Variants in PRTG observed in about 807,000 individuals in gnomAD.
The protein encoded by PRTG is immunoglobulin superfamily, DCC subclass, member 5.
In PRTG, 67 loss-of-function variants were observed where a neutral mutation model predicts 122.5. That is an observed-to-expected ratio of 0.55 (90% CI 0.45 to 0.67). The LOEUF (loss-of-function observed/expected upper bound fraction) is 0.67, where lower values mean the gene tolerates loss of function less well. Ranked by LOEUF, PRTG falls within the 30% of genes least tolerant of loss-of-function variation. The pLI is 0.00. For synonymous variants in PRTG, 554 were observed against 501.1 expected, an observed-to-expected ratio of 1.11 and a Z score of -1.41; for missense variants, 1,435 against 1,415.4, an observed-to-expected ratio of 1.01 and a Z score of -0.22.
At chr15:55,684,941 G>A (rs2059562064) in intron 2 of PRTG, among the ~76,000 whole-genome samples, 1 of 152,080 alleles carries the variant, frequency 6.6e-6, no homozygotes, top group Non-Finnish European at 1.5e-5. Flanking sequence ...ATTTTCTAGA[G>A]ATAATTATTC....
At chr15:55,635,289 AC>A (rs2059251723) in intron 15 of PRTG, among the ~76,000 whole-genome samples, 1 of 152,014 alleles carries the variant, frequency 6.6e-6, no homozygotes, top group Admixed American at 6.6e-5. Context: ...ACAGGGTTTC[AC>A]CATATTGGTC....
intron 6 of PRTG, 178 bp downstream of exon 6, chr15:55,679,876 G>C (rs181668970): frequency 1.7e-6 from 1 of 583,084 alleles, no homozygotes; most frequent in East Asian, 2.9e-5. Context: ...GGTGACCTCA[G>C]AATGATTCTA....
chr15:55,613,762 T>C lies in PRTG; in HGVS notation c.*6250A>G, dbSNP rs917650703. ...ATGACCCTGGGTGATTAAATACCTTTTTTTTTTTTTTTTTTTTTTAAGCTG... is the reference window on the plus strand; with the variant it reads ...ATGACCCTGGGTGATTAAATACCTTCTTTTTTTTTTTTTTTTTTTAAGCTG... On this transcript the variant is annotated 3_prime_UTR_variant, in exon 20 of 20. Transcript: ENST00000389286. The C allele has an allele frequency of 2.5e-5, 2 of 80,238 alleles. No individual in the cohort carries two copies. The highest frequency in any genetic ancestry group is 6.0e-5 in the Non-Finnish European group (2 of 33,444). 5.0% of individuals were successfully genotyped at this position (80,238 alleles called of 1,614,324 possible). A position where few individuals can be genotyped will look rare whatever the true frequency, so the allele number is the denominator to read the frequency against.
At chr15:55,657,169 AGAG>A (rs1475490593) in intron 11 of PRTG, among the ~76,000 whole-genome samples, 2 of 152,178 alleles carry the variant, frequency 1.3e-5, no homozygotes, top group African/African-American at 4.8e-5. Flanking sequence ...TTCTCAGAAT[AGAG>A]ATATGCACAG....
At chr15:55,643,859 T>C (rs1052784632) in intron 11 of PRTG, among the ~76,000 whole-genome samples, 1 of 151,260 alleles carries the variant, frequency 6.6e-6, no homozygotes, top group Non-Finnish European at 1.5e-5. Context: ...CTCCTAATAA[T>C]AATGATTTTT....
chr15:55,683,038 T>C (rs964867998), intron 3 of PRTG, among the ~76,000 whole-genome samples: 1 of 152,214 alleles, frequency 6.6e-6, no homozygotes, highest in Non-Finnish European at 1.5e-5. Flanking sequence ...GTTTGTGCAA[T>C]CTATCAGTCG....
At chr15:55,633,646 G>A (rs1461321032) in intron 15 of PRTG, among the ~76,000 whole-genome samples, 1 of 152,010 alleles carries the variant, frequency 6.6e-6, no homozygotes, top group African/African-American at 2.4e-5. Flanking sequence ...TTTTCCAAAA[G>A]CTGCCATAAT....
intron 11 of PRTG, among the ~76,000 whole-genome samples, chr15:55,652,693 C>T (rs138054586): frequency 5.9e-5 from 9 of 152,026 alleles, no homozygotes; most frequent in African/African-American, 1.9e-4. Flanking sequence ...GAAAGGGAGC[C>T]GAGTGAAACG....
At chr15:55,715,348 A>G (rs1459015076) in intron 2 of PRTG, among the ~76,000 whole-genome samples, 3 of 152,202 alleles carry the variant, frequency 2.0e-5, no homozygotes, top group Non-Finnish European at 4.4e-5. Context: ...TCTTCAGATA[A>G]TCCCAACTGT....
At chr15:55,704,349 CTTCA>C (rs1207516546) in intron 2 of PRTG, among the ~76,000 whole-genome samples, 4 of 152,122 alleles carry the variant, frequency 2.6e-5, no homozygotes, top group Admixed American at 6.5e-5. Context: ...CACTTAGCAA[CTTCA>C]TCTGTGCAGA....
chr15:55,635,249 G>A (rs767410838), intron 15 of PRTG, among the ~76,000 whole-genome samples: 3 of 152,122 alleles, frequency 2.0e-5, no homozygotes, highest in Non-Finnish European at 4.4e-5. Flanking sequence ...GTGCCACCAT[G>A]CCTGCCTAAT....
At chr15:55,625,989 G>C (rs1338243727) in intron 17 of PRTG, among the ~76,000 whole-genome samples, 1 of 152,068 alleles carries the variant, frequency 6.6e-6, no homozygotes, top group Non-Finnish European at 1.5e-5. Context: ...CTGGCCTCAA[G>C]GGATCCTCCC....
rs370876100 is a variant in PRTG, at chr15:55,674,927, G to A, written c.1546+592C>T. ...TCAGAGGAGGATAATCAGTTCTCTC[G>A]GGCTATCTTAATATGGATGAAATTT... On this transcript the variant is annotated intron_variant, in intron 9 of 19. Transcript: ENST00000389286. 3.2e-4 allele frequency among the ~76,000 whole-genome samples: 48 copies of A among 152,064 alleles called. No individual in the cohort carries two copies. In the South Asian group the frequency reaches 7.3e-3, roughly 23 times the overall value.
Position 55,710,633 on chromosome 15 carries a change from T to A in PRTG, c.398-26702A>T, listed in dbSNP as rs370721672. Among the ~76,000 whole-genome samples the A allele has an allele frequency of 1.4e-4, 22 of 152,352 alleles. No homozygotes were observed. In the South Asian group the frequency reaches 4.3e-3, roughly 30 times the overall value. On this transcript the variant is annotated intron_variant, in intron 2 of 19. Coordinates refer to ENST00000389286, the MANE Select transcript of PRTG (RefSeq NM_173814.6). ...TCTAGGATATTCACTACAGGAATGT[T>A]CATATACTTTTGTCTTTAAGTCATT...
In PRTG at chr15:55,740,832, C is replaced by G. The variant is rs1475942097; in HGVS notation, c.95-148G>C. 3.4e-5 allele frequency: 23 copies of G among 674,698 alleles called. No homozygotes were observed. The East Asian group carries it at 6.1e-4, about 18-fold the overall frequency. 41.8% of individuals were successfully genotyped at this position (674,698 alleles called of 1,614,324 possible). A position where few individuals can be genotyped will look rare whatever the true frequency, so the allele number is the denominator to read the frequency against. ...TTAACTTACAAACACCTTAATGAAC[C>G]AATCTAAATTTCAGCAAACTCTTTC... is the stretch of plus-strand genomic sequence containing the variant. On this transcript the variant is annotated intron_variant, in intron 1 of 19. Transcript: ENST00000389286.
chr15:55,700,814 T>C (rs1300807367), intron 2 of PRTG, among the ~76,000 whole-genome samples: 2 of 151,888 alleles, frequency 1.3e-5, no homozygotes, highest in Non-Finnish European at 2.9e-5. Context: ...CTTGGAAAAA[T>C]ACTGTTAAGA....
At chr15:55,685,258 G>T (rs2059563890) in intron 2 of PRTG, among the ~76,000 whole-genome samples, 1 of 152,184 alleles carries the variant, frequency 6.6e-6, no homozygotes, top group African/African-American at 2.4e-5. Flanking sequence ...ATTCTGCCTT[G>T]CACTTGAACT....
At chr15:55,655,142 C>G (rs2059373030) in intron 11 of PRTG, 1 of 152,128 alleles carries the variant, frequency 6.6e-6, no homozygotes, top group Non-Finnish European at 1.5e-5. Context: ...CAGTATGTTA[C>G]AACAACTTAT....
chr15:55,692,711 G>A (rs923615917), intron 2 of PRTG, among the ~76,000 whole-genome samples: 3 of 150,328 alleles, frequency 2.0e-5, no homozygotes, highest in African/African-American at 7.4e-5. Flanking sequence ...GATAAGTCTT[G>A]ATTTTTTCAC....
Sources: gnomAD v4.1 joint callset for allele counts (sites outside exome capture counted in the v4.1 genomes callset) on GRCh38, gnomAD v4.1.1 for gene constraint, MANE v1.5 for transcripts, NCBI Gene and HGNC (gene_info 2026-07-23, HGNC 2026-07-21) for gene names.